The following GAD1 variants were observed in gnomAD, a reference collection of about 807,000 sequenced individuals.
GAD1 encodes the protein 67 kDa glutamic acid decarboxylase.
In GAD1, 35 loss-of-function variants were observed where a neutral mutation model predicts 75.2. The observed-to-expected ratio is 0.47, with a 90% CI of 0.36 to 0.62. The LOEUF is 0.62. Among genes scored for constraint, GAD1 ranks in the 20% least tolerant of loss-of-function variants. The probability of loss-of-function intolerance (pLI) is 0.00; values close to 1 mark genes in which losing one functional copy is unlikely to be tolerated. For missense variants in GAD1, 490 were observed against 758.5 expected (o/e 0.65, Z 4.16); for synonymous variants, 257 against 271.9 (o/e 0.95, Z 0.54).
chr2:170,842,760 T>G, intron 6 of GAD1: 1 of 1,509,220 alleles, frequency 6.6e-7, no homozygotes, highest in Non-Finnish European at 8.9e-7. Flanking sequence ...TACCAACATA[T>G]CTGAGGATCC....
chr2:170,831,592 A>ATG (rs1491343382), intron 5 of GAD1, among the ~76,000 whole-genome samples: 3 of 94,920 alleles, frequency 3.2e-5, no homozygotes, highest in Admixed American at 1.1e-4. Context: ...TTGTCTCTAC[A>ATG]TATGTGTGTG....
chr2:170,842,951 C>A (rs1376681293), intron 6 of GAD1, among the ~76,000 whole-genome samples: 2 of 152,206 alleles, frequency 1.3e-5, no homozygotes, highest in Non-Finnish European at 2.9e-5. Context: ...AACATTAGCA[C>A]TTGGCTCAAA....
At position 170,859,777 on chromosome 2, in the gene GAD1, G is replaced by A. The variant is rs760170403; in HGVS notation, c.1680G>A (p.Gly560=). 3.1e-6 allele frequency: 5 copies of A among 1,614,036 alleles called. No homozygotes were observed. In the South Asian group the frequency reaches 3.3e-5, roughly 11 times the overall value. Residue 560 remains glycine (G), a synonymous_variant, in exon 17 of 17, where the codon GGG becomes GGA. Coordinates refer to ENST00000358196, the MANE Select transcript of GAD1 (RefSeq NM_000817.3). The part of the protein sequence containing the change: ...GTTMVGYQPQ[G]DKANFFRMVI... ...CCATGGTTGGCTACCAGCCCCAAGGGGACAAGGCCAACTTCTTCCGGATGG... is the reference window on the plus strand; with the variant it reads ...CCATGGTTGGCTACCAGCCCCAAGGAGACAAGGCCAACTTCTTCCGGATGG...
intron 3 of GAD1, chr2:170,828,986 GCT>G (rs1414684138): frequency 5.8e-5 from 12 of 207,862 alleles, no homozygotes; most frequent in Non-Finnish European, 9.1e-5. Context: ...TCCTCCCTCA[GCT>G]GTCCTCACCT....
chr2:170,820,471 C>A (rs968167358), intron 2 of GAD1, among the ~76,000 whole-genome samples: 9 of 152,156 alleles, frequency 5.9e-5, no homozygotes, highest in African/African-American at 2.2e-4. Flanking sequence ...GCGCTGGGCG[C>A]TCTATCCACT....
chr2:170,848,644 T>C (rs563711367), intron 11 of GAD1: 2 of 489,454 alleles, frequency 4.1e-6, no homozygotes, highest in East Asian at 5.5e-5. Context: ...TGTGACTGGG[T>C]GTATTTTTTT....
chr2:170,832,713 C>T (rs1026237837), intron 5 of GAD1, among the ~76,000 whole-genome samples: 16 of 152,016 alleles, frequency 1.1e-4, no homozygotes, highest in Admixed American at 3.3e-4. Flanking sequence ...CATGCCTTCT[C>T]ATTCTACTGC....
intron 3 of GAD1, among the ~76,000 whole-genome samples, chr2:170,825,259 C>T (rs1177042734): frequency 1.3e-5 from 2 of 152,080 alleles, no homozygotes; most frequent in Non-Finnish European, 2.9e-5. Flanking sequence ...GTGGTGGCCA[C>T]ATAGCTGCAG....
chr2:170,823,853 G>T (rs1441695890), intron 3 of GAD1, among the ~76,000 whole-genome samples: 1 of 152,192 alleles, frequency 6.6e-6, no homozygotes, highest in Admixed American at 6.5e-5. Context: ...GCGGCGCCTG[G>T]CCTGCTGAGG....
At chr2:170,858,169 C>T (rs904407892) in intron 15 of GAD1, among the ~76,000 whole-genome samples, 3 of 152,092 alleles carry the variant, frequency 2.0e-5, no homozygotes, top group African/African-American at 7.2e-5. Flanking sequence ...CAATTAGAGG[C>T]AGGCACAGTA....
Position 170,845,600 on chromosome 2 carries a change from G to C in GAD1, c.846G>C (p.Leu282=). ...KTKGMAAVPK[L]VLFTSEQSHY... ...AGGGCATGGCGGCTGTGCCTAAACT[G>C]GTCCTCTTCACCTCAGAACAGGTGA... Residue 282 remains leucine, a synonymous_variant, in exon 8 of 17, where the codon CTG becomes CTC. Transcript: ENST00000358196. 1.9e-6 allele frequency: 3 copies of C among 1,614,094 alleles called. No homozygotes were observed. The highest frequency in any genetic ancestry group is 2.5e-6 in the Non-Finnish European group (3 of 1,179,992).
chr2:170,828,801 AC>A (rs1388822471), intron 3 of GAD1, among the ~76,000 whole-genome samples: 2 of 73,126 alleles, frequency 2.7e-5, no homozygotes, highest in African/African-American at 5.7e-5. Context: ...TGCTGTCCTC[AC>A]CCCTCCTCTT....
At chr2:170,815,615 G>A (rs1409288571), upstream of GAD1, among the ~76,000 whole-genome samples, 1 of 152,226 alleles carries the variant, frequency 6.6e-6, no homozygotes, top group East Asian at 1.9e-4. Context: ...ACCCCTGCGT[G>A]CTGCACCACC....
chr2:170,830,619 G>A (rs766473822), intron 4 of GAD1, among the ~76,000 whole-genome samples: 2 of 152,226 alleles, frequency 1.3e-5, no homozygotes, highest in Non-Finnish European at 2.9e-5. Flanking sequence ...AGGGGAGCAC[G>A]ACAGATGCCC....
chr2:170,832,664 GCACACACA>G (rs3049892), intron 5 of GAD1, among the ~76,000 whole-genome samples: 1 of 78,912 alleles, frequency 1.3e-5, no homozygotes, highest in East Asian at 3.7e-4. Context: ...GCGCGCGCGC[GCACACACA>G]CACACACACA....
At chr2:170,814,642 C>T (rs1342523587), upstream of GAD1, among the ~76,000 whole-genome samples, 1 of 152,200 alleles carries the variant, frequency 6.6e-6, no homozygotes, top group Admixed American at 6.5e-5. Context: ...AATAAATATT[C>T]GTTTAATCAA....
intron 3 of GAD1, among the ~76,000 whole-genome samples, chr2:170,823,603 C>T (rs865956522): frequency 6.6e-6 from 1 of 152,144 alleles, no homozygotes; most frequent in Non-Finnish European, 1.5e-5. Context: ...CTGGGGCAGC[C>T]GGCGGCCGCG....
In GAD1 at chr2:170,839,142, T is replaced by C. The variant is rs138622408; in HGVS notation, c.638+2259T>C. Among the ~76,000 whole-genome samples the C allele has an allele frequency of 1.9e-3, 297 of 152,350 alleles. 4 individuals carry two copies. The highest frequency in any genetic ancestry group is 6.6e-3 in the African/African-American group (273 of 41,582). ...GGAAAGAATGGCAAAAGGATCTTTC[T>C]ATGGCAGTGCAGGATTTATTTAGTG... On this transcript the variant is annotated intron_variant, in intron 6 of 16. Coordinates refer to ENST00000358196, the MANE Select transcript of GAD1 (RefSeq NM_000817.3).
chr2:170,854,980 A>T (rs1017597374), intron 14 of GAD1, among the ~76,000 whole-genome samples: 7 of 152,224 alleles, frequency 4.6e-5, no homozygotes, highest in African/African-American at 1.7e-4. Flanking sequence ...ATTTGTTTCA[A>T]AAATATTTGT....
Sources: gnomAD v4.1 joint callset for allele counts (sites outside exome capture counted in the v4.1 genomes callset) on GRCh38, gnomAD v4.1.1 for gene constraint, MANE v1.5 for transcripts, NCBI Gene and HGNC (gene_info 2026-07-23, HGNC 2026-07-21) for gene names.